The following KDM3B variants were observed in gnomAD, a reference collection of about 807,000 sequenced individuals.
KDM3B encodes lysine demethylase 3B.
A neutral mutation model predicts 170.0 loss-of-function variants in KDM3B; 10 were observed. The observed-to-expected ratio is 0.06, with a 90% confidence interval of 0.04 to 0.10. The LOEUF (loss-of-function observed/expected upper bound fraction) is 0.10. KDM3B is among the 10% of genes least tolerant of loss of function. KDM3B has a pLI of 1.00. For synonymous variants in KDM3B, 831 were observed against 834.8 expected, an observed-to-expected ratio of 1.00 and a Z score of 0.08; for missense variants, 1,394 against 2,195.2, an observed-to-expected ratio of 0.64 and a Z score of 7.29.
In KDM3B at chr5:138,375,222, T is replaced by G. The variant is rs1263292744; in HGVS notation, c.474+16T>G. The G allele has an allele frequency of 1.4e-5, 21 of 1,521,604 alleles. No individual in the cohort carries two copies. Among genetic ancestry groups the G allele is most frequent in the Non-Finnish European group, 1.9e-5 (21 of 1,095,890 alleles). 94.3% of individuals were successfully genotyped at this position (1,521,604 alleles called of 1,614,324 possible). ...TCTGTTTCAGGTATTTAACACTTGCTTTAGTCTTGAGCCTATTATTTTTTT... is the reference window on the plus strand; with the variant it reads ...TCTGTTTCAGGTATTTAACACTTGCGTTAGTCTTGAGCCTATTATTTTTTT... On this transcript the variant is annotated intron_variant, in intron 3 of 23. Transcript: ENST00000314358.
intron 1 of KDM3B, among the ~76,000 whole-genome samples, chr5:138,366,779 T>C (rs1343420023): frequency 6.6e-6 from 1 of 152,204 alleles, no homozygotes; most frequent in Admixed American, 6.5e-5. Context: ...GACCAAAAGA[T>C]ATAGTGGGCA....
At chr5:138,394,591 T>C (rs1028047542) in intron 9 of KDM3B, among the ~76,000 whole-genome samples, 3 of 152,178 alleles carry the variant, frequency 2.0e-5, no homozygotes, top group Non-Finnish European at 4.4e-5. Context: ...AGCTGGAGTA[T>C]TTCTGGTGTG....
At position 138,417,466 on chromosome 5, in the gene KDM3B, T is replaced by C; in HGVS notation, c.3308-17T>C. ...GAGTATTCTGGTGTTATTTTTATTGTTACATTTTTTTCCCAGCTCTTTACA... is the reference window on the plus strand; with the variant it reads ...GAGTATTCTGGTGTTATTTTTATTGCTACATTTTTTTCCCAGCTCTTTACA... On this transcript the variant is annotated splice_polypyrimidine_tract_variant and intron_variant, in intron 12 of 23. Transcript: ENST00000314358. 1 of 1,613,384 alleles carries C rather than the reference T, an allele frequency of 6.2e-7. No homozygotes were observed. The highest frequency in any genetic ancestry group is 8.5e-7 in the Non-Finnish European group (1 of 1,179,448).
intron 5 of KDM3B, among the ~76,000 whole-genome samples, chr5:138,380,950 C>G (rs904231887): frequency 6.6e-6 from 1 of 151,852 alleles, no homozygotes; most frequent in African/African-American, 2.4e-5. Flanking sequence ...TCTCGGCTCA[C>G]TGCAACCTCC....
intron 16 of KDM3B, among the ~76,000 whole-genome samples, chr5:138,424,720 G>A (rs961904608): frequency 3.3e-5 from 5 of 152,094 alleles, no homozygotes; most frequent in African/African-American, 1.2e-4. Flanking sequence ...CAGAGGGTGC[G>A]GTGAGCCAAG....
At chr5:138,405,772 T>G (rs1352421056) in intron 11 of KDM3B, among the ~76,000 whole-genome samples, 1 of 152,212 alleles carries the variant, frequency 6.6e-6, no homozygotes, top group Non-Finnish European at 1.5e-5. Flanking sequence ...TAACAATATA[T>G]TTTGGGGTTT....
In KDM3B at chr5:138,391,227, A is replaced by G. The variant is rs367562428; in HGVS notation, c.1595A>G (p.Gln532Arg). 1 of 1,614,124 alleles carries G rather than the reference A, an allele frequency of 6.2e-7. No individual in the cohort carries two copies. The highest frequency in any genetic ancestry group is 8.5e-7 in the Non-Finnish European group (1 of 1,179,996). The change falls in exon 8 of 24, where the codon CAA becomes CGA. Residue 532 changes from glutamine to arginine, a missense_variant. Physicochemically the swap from Gln to Arg is conservative, Grantham distance 43. Transcript: ENST00000314358. The surrounding 1 kb of genome is among the most constrained non-coding windows in gnomAD (Gnocchi z 5.0). ...SKNLFFQCMSQTLPTSNYFTT... is the reference protein window; with the variant it reads ...SKNLFFQCMSRTLPTSNYFTT... ...AACTTGTTTTTTCAATGCATGTCCC[A>G]AACTTTACCTACCAGTAACTACTTC...
At chr5:138,406,261 C>G (rs1468651476) in intron 11 of KDM3B, among the ~76,000 whole-genome samples, 1 of 152,140 alleles carries the variant, frequency 6.6e-6, no homozygotes, top group Non-Finnish European at 1.5e-5. Flanking sequence ...GAGAGGATCA[C>G]CTGAGCCCAG....
In KDM3B at chr5:138,414,697, G is replaced by A. The variant is rs189210657; in HGVS notation, c.3200-435G>A. On this transcript the variant is annotated intron_variant, in intron 11 of 23. Coordinates refer to ENST00000314358, the MANE Select transcript of KDM3B (RefSeq NM_016604.4). ...AGGTTGGGCACAGTGACTCATACCT[G>A]TAATCCCAGCACTTTGGGAAGCCAA... 9.2e-5 allele frequency among the ~76,000 whole-genome samples: 14 copies of A among 152,262 alleles called. No individual in the cohort carries two copies. In the East Asian group the frequency reaches 1.5e-3, roughly 17 times the overall value.
intron 17 of KDM3B, among the ~76,000 whole-genome samples, chr5:138,426,437 T>G (rs1763393559): frequency 6.6e-6 from 1 of 151,542 alleles, no homozygotes; most frequent in South Asian, 2.1e-4. Flanking sequence ...TAGCCGGGCA[T>G]GGTGGCAGAC....
chr5:138,422,453 G>A (rs752316828), intron 15 of KDM3B, among the ~76,000 whole-genome samples: 4 of 152,014 alleles, frequency 2.6e-5, no homozygotes, highest in Non-Finnish European at 5.9e-5. Flanking sequence ...CCTGACCAAC[G>A]TAGCAAAATC....
intron 10 of KDM3B, among the ~76,000 whole-genome samples, chr5:138,398,903 T>C (rs1332642616): frequency 6.7e-6 from 1 of 149,798 alleles, no homozygotes. Context: ...TTTTTTTTTT[T>C]TTTGAGACGG....
At position 138,352,911 on chromosome 5, in the gene KDM3B, G is replaced by C. The variant is rs1213573754; in HGVS notation, c.116G>C (p.Gly39Ala). Residue 39 changes from glycine to alanine, a missense_variant, in exon 1 of 24, where the codon GGG becomes GCG. Coordinates refer to ENST00000314358, the MANE Select transcript of KDM3B (RefSeq NM_016604.4). ...GCGGCAGCGGCGAGCGGAGATCCGG[G>C]GCCTGCGCTGCGCACTCGAGCCTGG... ...PAAAAASGDP[G>A]PALRTRAWRA... 5.1e-6 allele frequency: 7 copies of C among 1,364,386 alleles called. No homozygotes were observed. Among genetic ancestry groups the C allele is most frequent in the Non-Finnish European group, 5.7e-6 (6 of 1,057,574 alleles). The allele number at this position is 1,364,386 out of a possible 1,614,324, so 84.5% of individuals were successfully genotyped here. A position where few individuals can be genotyped will look rare whatever the true frequency, so the allele number is the denominator to read the frequency against.
Position 138,426,904 on chromosome 5 carries a change from A to G in KDM3B, c.4412-71A>G, listed in dbSNP as rs551223344. On this transcript the variant is annotated intron_variant, in intron 17 of 23. Coordinates refer to ENST00000314358, the MANE Select transcript of KDM3B (RefSeq NM_016604.4). ...AAGAAAAAAAAGAGATTAGTCTCCCAAAAGTTACTGTTGAAAATCGGACAC... is the reference window on the plus strand; with the variant it reads ...AAGAAAAAAAAGAGATTAGTCTCCCGAAAGTTACTGTTGAAAATCGGACAC... The G allele has an allele frequency of 1.4e-4, 156 of 1,131,054 alleles. 2 individuals are homozygous for G. In the Middle Eastern group the frequency reaches 7.1e-3, roughly 51 times the overall value. 70.1% of individuals were successfully genotyped at this position (1,131,054 alleles called of 1,614,324 possible). A position where few individuals can be genotyped will look rare whatever the true frequency, so the allele number is the denominator to read the frequency against.
intron 23 of KDM3B, among the ~76,000 whole-genome samples, chr5:138,434,016 A>C (rs1763607053): frequency 6.6e-6 from 1 of 152,196 alleles, no homozygotes. Flanking sequence ...CTGAGATTAC[A>C]GGCGTGAGTC....
chr5:138,376,373 G>A (rs889422652), intron 3 of KDM3B, among the ~76,000 whole-genome samples: 11 of 151,968 alleles, frequency 7.2e-5, no homozygotes, highest in Admixed American at 3.3e-4. Flanking sequence ...CCTTAAAACC[G>A]CCCAAGATTT....
chr5:138,435,129 T>C (rs540722883), intron 23 of KDM3B, among the ~76,000 whole-genome samples: 5 of 152,306 alleles, frequency 3.3e-5, no homozygotes, highest in East Asian at 3.9e-4. Context: ...AGAAAACATA[T>C]AAGCACGAAG....
At position 138,428,221 on chromosome 5, in the gene KDM3B, G is replaced by T. The variant is rs1343414316; in HGVS notation, c.4753+135G>T. Reference sequence around the variant, plus strand: ...CTTTTTTCTGTTTTTTTTTTTGGGGGGCGGGGAGGCAGAGTCTCGCTCTGT... The same window carrying T: ...CTTTTTTCTGTTTTTTTTTTTGGGGTGCGGGGAGGCAGAGTCTCGCTCTGT... On this transcript the variant is annotated intron_variant, in intron 20 of 23. Coordinates refer to ENST00000314358, the MANE Select transcript of KDM3B (RefSeq NM_016604.4). 5 of 920,780 alleles carry T rather than the reference G, an allele frequency of 5.4e-6. No homozygotes were observed. The East Asian group carries it at 1.3e-4, about 24-fold the overall frequency. The allele number at this position is 920,780 out of a possible 1,614,324, so 57.0% of individuals were successfully genotyped here. A position where few individuals can be genotyped will look rare whatever the true frequency, so the allele number is the denominator to read the frequency against.
At chr5:138,393,124 C>T in intron 8 of KDM3B, 47 bp from the exon 9 acceptor site, 1 of 1,560,344 alleles carries the variant, frequency 6.4e-7, no homozygotes, top group Non-Finnish European at 8.8e-7. Context: ...CTATTGGTTC[C>T]TGTTTACACC....
Sources: gnomAD v4.1 joint callset for allele counts (sites outside exome capture counted in the v4.1 genomes callset) on GRCh38, gnomAD v4.1.1 for gene constraint, Gnocchi (gnomAD v3.1) non-coding constraint, MANE v1.5 for transcripts, NCBI Gene and HGNC (gene_info 2026-07-23, HGNC 2026-07-21) for gene names.